Variants in MAD1L1 observed in about 807,000 individuals in gnomAD.
MAD1L1 encodes mitotic spindle assembly checkpoint protein MAD1.
Under a neutral mutation model 96.9 loss-of-function variants are expected in MAD1L1, and 95 were observed. The ratio of observed to expected loss-of-function variants is 0.98; its 90% CI spans 0.83 to 1.16. The LOEUF (loss-of-function observed/expected upper bound fraction) is 1.16. Ranked by LOEUF, MAD1L1 falls within the 50% of genes most tolerant of loss-of-function variation. The probability of loss-of-function intolerance (pLI) is 0.00; values close to 1 mark genes in which losing one functional copy is unlikely to be tolerated. For missense variants in MAD1L1, 1,007 were observed against 954.4 expected, an observed-to-expected ratio of 1.06 and a Z score of -0.73; for synonymous variants, 473 against 396.6, an observed-to-expected ratio of 1.19 and a Z score of -2.29.
At chr7:2,000,384 G>T (rs1781738979) in intron 14 of MAD1L1, among the ~76,000 whole-genome samples, 1 of 152,096 alleles carries the variant, frequency 6.6e-6, no homozygotes, top group Admixed American at 6.6e-5. Flanking sequence ...TTTACGAATG[G>T]ACACCAGGTT....
rs1176462339 is a variant in MAD1L1, at chr7:1,860,514, T to C, written c.1998+37686A>G. ...TCCTGCAGGGCAGCCTCTGTTTCCC[T>C]AAATGTGACAACCTGCAGGGTGGCC... On this transcript the variant is annotated intron_variant, in intron 18 of 18. Transcript: ENST00000265854. Among the ~76,000 whole-genome samples, 3 of 152,140 alleles carry C rather than the reference T, an allele frequency of 2.0e-5. No homozygotes were observed. In the East Asian group the frequency reaches 5.8e-4, roughly 29 times the overall value.
intron 15 of MAD1L1, among the ~76,000 whole-genome samples, chr7:1,967,646 C>G (rs1442770120): frequency 6.6e-6 from 1 of 152,152 alleles, no homozygotes; most frequent in Non-Finnish European, 1.5e-5. Context: ...CCTGGAGGAA[C>G]GGATGATTGG....
At chr7:2,038,708 T>G (rs1316600042) in intron 12 of MAD1L1, among the ~76,000 whole-genome samples, 1 of 146,834 alleles carries the variant, frequency 6.8e-6, no homozygotes, top group African/African-American at 2.6e-5. Flanking sequence ...GAGACAGGGT[T>G]TCACCATGCT....
At chr7:2,007,519 C>T (rs889954397) in intron 13 of MAD1L1, among the ~76,000 whole-genome samples, 1 of 122,448 alleles carries the variant, frequency 8.2e-6, no homozygotes, top group African/African-American at 2.8e-5. Context: ...ACTAAAAATA[C>T]AAAAATTAGC....
At chr7:1,954,922 A>G (rs902565371) in intron 16 of MAD1L1, among the ~76,000 whole-genome samples, 2 of 151,936 alleles carry the variant, frequency 1.3e-5, no homozygotes, top group East Asian at 3.9e-4. Flanking sequence ...AGTCGGCCCT[A>G]ATGAGTGTGT....
At chr7:1,869,274 T>C (rs1784930371) in intron 18 of MAD1L1, among the ~76,000 whole-genome samples, 1 of 152,056 alleles carries the variant, frequency 6.6e-6, no homozygotes, top group South Asian at 2.1e-4. Context: ...ACCCCTTGCC[T>C]GGGACCCCCT....
intron 12 of MAD1L1, among the ~76,000 whole-genome samples, chr7:2,055,453 C>T (rs543191116): frequency 2.0e-5 from 3 of 152,176 alleles, no homozygotes; most frequent in African/African-American, 7.2e-5. Context: ...ACATGGGGAC[C>T]GCAGGCTGCA....
At chr7:1,866,605 G>A (rs11980012) in intron 18 of MAD1L1, among the ~76,000 whole-genome samples, 3,887 of 152,302 alleles carry the variant, frequency 0.026, 60 homozygotes, top group African/African-American at 0.041. Flanking sequence ...GAGACGCCAC[G>A]GGAGGCTGCG....
intron 15 of MAD1L1, among the ~76,000 whole-genome samples, chr7:1,977,024 C>T (rs1411446083): frequency 6.6e-6 from 1 of 152,294 alleles, no homozygotes; most frequent in African/African-American, 2.4e-5. Context: ...CAAGTCCCCA[C>T]CGGACTCAGG....
chr7:2,136,129 G>A (rs566175307), intron 11 of MAD1L1, among the ~76,000 whole-genome samples: 7 of 152,280 alleles, frequency 4.6e-5, no homozygotes, highest in South Asian at 2.1e-4. Context: ...TCACAGCCAC[G>A]TCCACACTGT....
chr7:2,188,418 G>T (rs1016677391), intron 10 of MAD1L1, among the ~76,000 whole-genome samples: 1 of 152,194 alleles, frequency 6.6e-6, no homozygotes, highest in Admixed American at 6.5e-5. Flanking sequence ...AAAGTTGAAA[G>T]AGTCACACTT....
At position 2,213,837 on chromosome 7, in the gene MAD1L1, C is replaced by T. The variant is rs867349983; in HGVS notation, c.925-564G>A. Among the ~76,000 whole-genome samples, 15 of 152,334 alleles carry T rather than the reference C, an allele frequency of 9.8e-5. No individual in the cohort carries two copies. The South Asian group carries it at 2.9e-3, about 29-fold the overall frequency. On this transcript the variant is annotated intron_variant, in intron 9 of 18. Transcript: ENST00000265854. ...CACCCCTCTGTGTCACATGCCTGTC[C>T]CATGCTGAGCCGCATCCCAAAGAGG... is the stretch of plus-strand genomic sequence containing the variant.
intron 18 of MAD1L1, among the ~76,000 whole-genome samples, chr7:1,871,604 G>A (rs557340035): frequency 8.2e-5 from 11 of 133,698 alleles, no homozygotes; most frequent in South Asian, 2.5e-4. Flanking sequence ...CACCTGCCAC[G>A]CCGAACCCAC....
At chr7:1,921,382 G>T (rs1240818274) in intron 17 of MAD1L1, among the ~76,000 whole-genome samples, 1 of 150,950 alleles carries the variant, frequency 6.6e-6, no homozygotes, top group Non-Finnish European at 1.5e-5. Context: ...GCAATGGTGT[G>T]ATTTTGGCTT....
chr7:2,062,309 G>A (rs1387305380), intron 12 of MAD1L1, among the ~76,000 whole-genome samples: 4 of 148,994 alleles, frequency 2.7e-5, no homozygotes, highest in Non-Finnish European at 4.4e-5. Context: ...AGTGGCTCAC[G>A]CCTGTAATCC....
In MAD1L1 at chr7:1,932,066, G is replaced by A. The variant is rs554362807; in HGVS notation, c.1807+4621C>T. Among the ~76,000 whole-genome samples, 354 of 152,332 alleles carry A rather than the reference G, an allele frequency of 2.3e-3. 1 individual carries two copies. Among genetic ancestry groups the A allele is most frequent in the African/African-American group, 7.0e-3 (293 of 41,576 alleles). Reference sequence around the variant, plus strand: ...CTGGCACACACGTGTGGAAAGCTCCGGTCCGCATCATGACACCCAACGCAC... The same window carrying A: ...CTGGCACACACGTGTGGAAAGCTCCAGTCCGCATCATGACACCCAACGCAC... On this transcript the variant is annotated intron_variant, in intron 17 of 18. Coordinates refer to ENST00000265854, the MANE Select transcript of MAD1L1 (RefSeq NM_001013836.2).
chr7:2,113,307 C>A (rs190892213), intron 11 of MAD1L1, among the ~76,000 whole-genome samples: 1 of 152,190 alleles, frequency 6.6e-6, no homozygotes, highest in Non-Finnish European at 1.5e-5. Context: ...GGGCTGGGCA[C>A]GGTGGCTCAC....
intron 15 of MAD1L1, among the ~76,000 whole-genome samples, chr7:1,973,933 A>G (rs1198188476): frequency 6.6e-6 from 1 of 152,210 alleles, no homozygotes; most frequent in Non-Finnish European, 1.5e-5. Flanking sequence ...CGGCTGCTGA[A>G]GGCTGGGGCA....
chr7:1,976,177 G>C (rs528425184), intron 15 of MAD1L1, among the ~76,000 whole-genome samples: 1 of 152,352 alleles, frequency 6.6e-6, no homozygotes, highest in African/African-American at 2.4e-5. Flanking sequence ...GGCTGTGCAT[G>C]TGTGTGTGAG....
Sources: allele counts gnomAD v4.1 joint callset (sites outside exome capture counted in the v4.1 genomes callset), GRCh38; gene constraint gnomAD v4.1.1; transcripts MANE v1.5; gene names NCBI Gene and HGNC (gene_info 2026-07-23, HGNC 2026-07-21).